The following PREX2 variants were observed in gnomAD, a reference collection of about 807,000 sequenced individuals.
PREX2 encodes the protein phosphatidylinositol-3,4,5-trisphosphate dependent Rac exchange factor 2.
A neutral mutation model predicts 203.2 loss-of-function variants in PREX2; 107 were observed. The observed-to-expected ratio is 0.53, with a 90% CI of 0.45 to 0.62. The LOEUF (loss-of-function observed/expected upper bound fraction) is 0.62. Among genes scored for constraint, PREX2 ranks in the 20% least tolerant of loss-of-function variants. The probability of loss-of-function intolerance (pLI) is 0.00; values close to 1 mark genes in which losing one functional copy is unlikely to be tolerated. For missense variants in PREX2, 1,777 were observed against 1,955.9 expected (o/e 0.91, Z 1.72); for synonymous variants, 672 against 663.6 (o/e 1.01, Z -0.19).
At chr8:67,961,081 A>T (rs1218191094) in intron 1 of PREX2, among the ~76,000 whole-genome samples, 4 of 151,826 alleles carry the variant, frequency 2.6e-5, no homozygotes, top group Non-Finnish European at 1.5e-5. Context: ...CATGTAAAAA[A>T]AAGAAAATGA....
At chr8:68,074,945 G>A (rs1381656461) in intron 14 of PREX2, among the ~76,000 whole-genome samples, 1 of 152,202 alleles carries the variant, frequency 6.6e-6, no homozygotes, top group Non-Finnish European at 1.5e-5. Flanking sequence ...CACTGTTGTT[G>A]TGCTGCTTCT....
At position 68,214,357 on chromosome 8, in the gene PREX2, G is replaced by A. The variant is rs557842435; in HGVS notation, c.4605-3259G>A. On this transcript the variant is annotated intron_variant, in intron 37 of 39. Coordinates refer to ENST00000288368, the MANE Select transcript of PREX2 (RefSeq NM_024870.4). ...CGAAGCTGCAGCGAGTTGGGATGGC[G>A]CCACTGCATTCCAGCCTGGGCAACA... Among the ~76,000 whole-genome samples, 9 of 152,240 alleles carry A rather than the reference G, an allele frequency of 5.9e-5. No individual in the cohort carries two copies. The East Asian group carries it at 9.7e-4, about 16-fold the overall frequency.
chr8:68,140,492 A>G (rs779319328), intron 33 of PREX2, among the ~76,000 whole-genome samples: 6 of 152,300 alleles, frequency 3.9e-5, no homozygotes, highest in South Asian at 4.1e-4. Flanking sequence ...TATGCATTGC[A>G]TGTAGTTTGA....
Position 68,234,903 on chromosome 8 carries a change from T to G in PREX2, c.*3525T>G, listed in dbSNP as rs1041414639. The G allele has an allele frequency of 1.3e-5, 2 of 152,102 alleles. No individual in the cohort carries two copies. Among genetic ancestry groups the G allele is most frequent in the Admixed American group, 6.6e-5 (1 of 15,264 alleles). The allele number at this position is 152,102 out of a possible 1,614,324, so 9.4% of individuals were successfully genotyped here. ...AATTTTGGGATCATTACATTCAGAATGAAATGAAATTGACCTTGATACTAA... is the reference window on the plus strand; with the variant it reads ...AATTTTGGGATCATTACATTCAGAAGGAAATGAAATTGACCTTGATACTAA... On this transcript the variant is annotated 3_prime_UTR_variant, in exon 40 of 40. Coordinates refer to ENST00000288368, the MANE Select transcript of PREX2 (RefSeq NM_024870.4).
intron 8 of PREX2, among the ~76,000 whole-genome samples, chr8:68,052,790 G>T (rs554990335): frequency 6.6e-6 from 1 of 152,238 alleles, no homozygotes; most frequent in Non-Finnish European, 1.5e-5. Flanking sequence ...TTCTTTTATT[G>T]CTTTAGAAAC....
intron 37 of PREX2, among the ~76,000 whole-genome samples, chr8:68,207,831 C>T (rs1311071976): frequency 1.3e-5 from 2 of 152,006 alleles, no homozygotes; most frequent in African/African-American, 4.8e-5. Flanking sequence ...TTCTTAATCC[C>T]TACACCTTCC....
At chr8:67,974,840 C>T (rs991859242) in intron 1 of PREX2, among the ~76,000 whole-genome samples, 1 of 152,028 alleles carries the variant, frequency 6.6e-6, no homozygotes, top group Non-Finnish European at 1.5e-5. Context: ...GTTTTATTAC[C>T]TTCTTCATGT....
At chr8:68,079,558 C>CT in intron 15 of PREX2, among the ~76,000 whole-genome samples, 1 of 142,248 alleles carries the variant, frequency 7.0e-6, no homozygotes, top group African/African-American at 2.6e-5. Flanking sequence ...CAAAACCTAA[C>CT]TTTTTCTGCT....
At chr8:68,062,750 T>G (rs1051219748) in intron 11 of PREX2, among the ~76,000 whole-genome samples, 2 of 152,188 alleles carry the variant, frequency 1.3e-5, no homozygotes, top group Admixed American at 6.5e-5. Context: ...CCTATTTTTT[T>G]TTTTTACTTT....
At chr8:68,025,740 C>G (rs1229979392) in intron 4 of PREX2, among the ~76,000 whole-genome samples, 5 of 152,062 alleles carry the variant, frequency 3.3e-5, no homozygotes, top group Non-Finnish European at 7.4e-5. Context: ...GCTGAGACTA[C>G]AGGTGTGAGC....
chr8:68,044,955 A>C (rs1012124335), intron 8 of PREX2, among the ~76,000 whole-genome samples: 1 of 152,102 alleles, frequency 6.6e-6, no homozygotes. Context: ...TTGTTCCTAT[A>C]ATATATTCAC....
At chr8:68,126,859 G>A (rs757421609) in intron 30 of PREX2, among the ~76,000 whole-genome samples, 4 of 151,552 alleles carry the variant, frequency 2.6e-5, no homozygotes, top group Admixed American at 1.3e-4. Flanking sequence ...ATACACACAC[G>A]TATGTGTGTG....
At chr8:68,060,914 A>G in intron 11 of PREX2, 135 bp downstream of exon 11, 2 of 634,894 alleles carry the variant, frequency 3.2e-6, no homozygotes, top group Non-Finnish European at 2.7e-6. Context: ...TCAGTACCTA[A>G]TAAGTGTAGA....
At chr8:68,145,208 C>T (rs1471672299) in intron 33 of PREX2, among the ~76,000 whole-genome samples, 3 of 152,010 alleles carry the variant, frequency 2.0e-5, no homozygotes, top group Admixed American at 1.3e-4. Flanking sequence ...TTTTCTAAAT[C>T]GAATGCTTCA....
chr8:67,964,101 G>C (rs748356384), intron 1 of PREX2, among the ~76,000 whole-genome samples: 5 of 152,174 alleles, frequency 3.3e-5, no homozygotes, highest in Non-Finnish European at 5.9e-5. Context: ...GTAGGGTGTT[G>C]TCCTTTTCCC....
intron 26 of PREX2, among the ~76,000 whole-genome samples, chr8:68,117,111 A>C (rs1446300298): frequency 6.6e-6 from 1 of 152,252 alleles, no homozygotes; most frequent in Non-Finnish European, 1.5e-5. Context: ...AATAGTAATC[A>C]AAGTTCTCAT....
chr8:67,959,433 GGAGA>G (rs531405865), intron 1 of PREX2, among the ~76,000 whole-genome samples: 6 of 152,152 alleles, frequency 3.9e-5, no homozygotes, highest in Non-Finnish European at 8.8e-5. Context: ...GTAACTGCGA[GGAGA>G]GAAGGGGATG....
At chr8:67,996,748 T>C (rs542285826) in intron 1 of PREX2, among the ~76,000 whole-genome samples, 1 of 152,302 alleles carries the variant, frequency 6.6e-6, no homozygotes, top group African/African-American at 2.4e-5. Flanking sequence ...ATCATTTCTT[T>C]CTAGAAGTTC....
intron 13 of PREX2, among the ~76,000 whole-genome samples, chr8:68,071,285 TAGTC>T (rs1207642091): frequency 1.3e-5 from 2 of 152,154 alleles, no homozygotes; most frequent in Non-Finnish European, 2.9e-5. Flanking sequence ...GAATGTATGA[TAGTC>T]AGGCTTTTAA....
Sources: gnomAD v4.1 joint callset for allele counts (sites outside exome capture counted in the v4.1 genomes callset) on GRCh38, gnomAD v4.1.1 for gene constraint, MANE v1.5 for transcripts, NCBI Gene and HGNC (gene_info 2026-07-23, HGNC 2026-07-21) for gene names.